The following SLC25A42 variants were observed in gnomAD, a reference collection of about 807,000 sequenced individuals.
SLC25A42 encodes the protein solute carrier family 25 member 42, also known as mitochondrial coenzyme A transporter SLC25A42.
In SLC25A42, 19 loss-of-function variants were observed where a neutral mutation model predicts 34.7. The observed-to-expected ratio is 0.55, with a 90% CI of 0.38 to 0.80. The LOEUF (loss-of-function observed/expected upper bound fraction) is 0.80, where lower values mean the gene tolerates loss of function less well. Ranked by LOEUF, SLC25A42 falls within the 30% of genes least tolerant of loss-of-function variation. The pLI, the probability that SLC25A42 is intolerant of heterozygous loss-of-function variation, is 0.00. For missense variants in SLC25A42, 364 were observed against 441.3 expected (o/e 0.82, Z 1.57); for synonymous variants, 205 against 191.2 (o/e 1.07, Z -0.59).
At chr19:19,105,462 C>T in intron 4 of SLC25A42, 99 bp from the exon 5 acceptor site, 6 of 1,438,044 alleles carry the variant, frequency 4.2e-6, no homozygotes, top group Non-Finnish European at 4.7e-6. Flanking sequence ...GGGGTCACCC[C>T]GGCCCCGCCT....
chr19:19,110,728 C>A lies in SLC25A42; in HGVS notation c.809C>A (p.Thr270Lys), dbSNP rs370533233. The A allele has an allele frequency of 1.1e-5, 17 of 1,609,142 alleles. No individual in the cohort carries two copies. Among genetic ancestry groups the A allele is most frequent in the Non-Finnish European group, 1.4e-5 (16 of 1,178,060 alleles). Residue 270 changes from threonine to lysine, a missense_variant, in exon 8 of 8, where the codon ACG becomes AAG. Thr to Lys is a moderately conservative substitution (Grantham distance 78, BLOSUM62 -1). Coordinates refer to ENST00000318596, the MANE Select transcript of SLC25A42 (RefSeq NM_178526.5). ...TGYPRASIARTLRTIVREEGA... is the reference protein window; with the variant it reads ...TGYPRASIARKLRTIVREEGA... ...TACCCGCGCGCCTCCATCGCCCGCACGCTGCGCACCATCGTGCGGGAGGAG... is the reference window on the plus strand; with the variant it reads ...TACCCGCGCGCCTCCATCGCCCGCAAGCTGCGCACCATCGTGCGGGAGGAG...
At chr19:19,088,550 C>T (rs531227696) in intron 1 of SLC25A42, among the ~76,000 whole-genome samples, 28 of 150,892 alleles carry the variant, frequency 1.9e-4, no homozygotes, top group Admixed American at 1.6e-3. Flanking sequence ...AGTGCAATGG[C>T]GCAATCTCAG....
chr19:19,095,411 C>T (rs1190351836), intron 1 of SLC25A42, among the ~76,000 whole-genome samples: 4 of 151,722 alleles, frequency 2.6e-5, no homozygotes, highest in Admixed American at 1.3e-4. Flanking sequence ...GTCAGGAGTT[C>T]GAGACTAGCC....
chr19:19,107,922 C>T lies in SLC25A42; in HGVS notation c.526C>T (p.Arg176Cys), dbSNP rs149585119. 6.2e-5 allele frequency: 100 copies of T among 1,614,122 alleles called. No individual in the cohort carries two copies. In the African/African-American group the frequency reaches 1.1e-3, roughly 18 times the overall value. ...MYSNIFHVFI[R>C]ISREEGLKTL... The stretch of plus-strand genomic sequence containing the variant: ...CAGCAACATCTTTCATGTCTTCATC[C>T]GCATCTCGAGAGAAGAGGGGCTGAA... The change falls in exon 7 of 8, where the codon CGC (arginine) becomes TGC (cysteine). Residue 176 changes from arginine to cysteine, a missense_variant. Arg to Cys is a radical substitution (Grantham distance 180, BLOSUM62 -3). Coordinates refer to ENST00000318596, the MANE Select transcript of SLC25A42 (RefSeq NM_178526.5).
chr19:19,076,034 C>A (rs2059654262), intron 1 of SLC25A42, among the ~76,000 whole-genome samples: 1 of 152,212 alleles, frequency 6.6e-6, no homozygotes, highest in Non-Finnish European at 1.5e-5. Context: ...GCCCCACTTT[C>A]TTCTCCACAG....
Position 19,105,770 on chromosome 19 carries a change from G to T in SLC25A42, c.380+43G>T. 3.6e-6 allele frequency: 4 copies of T among 1,102,154 alleles called. No homozygotes were observed. In the Admixed American group the frequency reaches 1.6e-4, roughly 43 times the overall value. The allele number at this position is 1,102,154 out of a possible 1,614,324, so 68.3% of individuals were successfully genotyped here. ...CCTGCCACAGAATCGCCCCGCCCAC[G>T]CCCGCCCCTCTCTCTTTCTTCTGCA... On this transcript the variant is annotated intron_variant, in intron 5 of 7. Coordinates refer to ENST00000318596, the MANE Select transcript of SLC25A42 (RefSeq NM_178526.5).
In SLC25A42 at chr19:19,079,125, G is replaced by A. The variant is rs552293970; in HGVS notation, c.-35+15010G>A. On this transcript the variant is annotated intron_variant, in intron 1 of 7. Coordinates refer to ENST00000318596, the MANE Select transcript of SLC25A42 (RefSeq NM_178526.5). ...GGCTGGAGTGCAATGGCGCAATCTC[G>A]GCTCACTGCAACCTCCACCTCCCTG... Among the ~76,000 whole-genome samples the A allele has an allele frequency of 2.0e-5, 3 of 149,686 alleles. No homozygotes were observed. The South Asian group carries it at 6.3e-4, about 31-fold the overall frequency.
chr19:19,105,803 C>T, intron 5 of SLC25A42, 76 bp downstream of exon 5: 1 of 1,301,796 alleles, frequency 7.7e-7, no homozygotes, highest in South Asian at 1.4e-5. Context: ...GCACGCCCCG[C>T]TCCCTCCTCT....
rs1295382400 is a variant in SLC25A42, at chr19:19,109,539, T to C, written c.650-1030T>C. On this transcript the variant is annotated intron_variant, in intron 7 of 7. Transcript: ENST00000318596. This position sits in a 1 kb window ranked among gnomAD's most constrained non-coding sequence, Gnocchi z 4.1. ...TCCACTTCCTGGGTTCAAGCCATTCTCCTGCCTCAGCCTCCCTAGTAGCTG... is the reference window on the plus strand; with the variant it reads ...TCCACTTCCTGGGTTCAAGCCATTCCCCTGCCTCAGCCTCCCTAGTAGCTG... Among the ~76,000 whole-genome samples the C allele has an allele frequency of 6.6e-6, 1 of 152,132 alleles. No homozygotes were observed. The highest frequency in any genetic ancestry group is 1.5e-5 in the Non-Finnish European group (1 of 68,016).
rs539361208 is a variant in SLC25A42 at position 19,113,009 on chromosome 19, A to G, written c.*2133A>G. The G allele has an allele frequency of 1.3e-5, 2 of 152,108 alleles. No individual in the cohort carries two copies. Among genetic ancestry groups the G allele is most frequent in the Non-Finnish European group, 2.9e-5 (2 of 67,990 alleles). The allele number at this position is 152,108 out of a possible 1,614,324, so 9.4% of individuals were successfully genotyped here. On this transcript the variant is annotated 3_prime_UTR_variant, in exon 8 of 8. Transcript: ENST00000318596. ...TAAAAGTTCTGAATAAAAGTCTTGA[A>G]TAAAGAAGTTTTTAAATGCAATTGT...
Position 19,105,704 on chromosome 19 carries a change from C to T in SLC25A42, c.357C>T (p.Gly119=). 6.2e-7 allele frequency: 1 copy of T among 1,600,132 alleles called. No individual in the cohort carries two copies. Among genetic ancestry groups the T allele is most frequent in the Non-Finnish European group, 8.5e-7 (1 of 1,171,980 alleles). Residue 119 remains glycine (G), a synonymous_variant, in exon 5 of 8, where the codon GGC becomes GGT. Coordinates refer to ENST00000318596, the MANE Select transcript of SLC25A42 (RefSeq NM_178526.5). ...ACGAGGAGTACAAGCGCATCCTGGG[C>T]AGCTACTATGGCTTCCGTGGAGAGT... The part of the protein sequence containing the change: ...SAHEEYKRIL[G]SYYGFRGEAL...
rs1166263250 is a variant in SLC25A42, at chr19:19,111,026, A to G, written c.*150A>G. ...AGGTGGGCCTGAGGGGCCTGGGCTC[A>G]GAGTCCACGTCCAAACGCAAAGCTG... On this transcript the variant is annotated 3_prime_UTR_variant, in exon 8 of 8. Transcript: ENST00000318596. 3.5e-6 allele frequency: 3 copies of G among 858,542 alleles called. No individual in the cohort carries two copies. The highest frequency in any genetic ancestry group is 5.5e-5 in the Admixed American group (2 of 36,248). The allele number at this position is 858,542 out of a possible 1,614,324, so 53.2% of individuals were successfully genotyped here. A position where few individuals can be genotyped will look rare whatever the true frequency, so the allele number is the denominator to read the frequency against.
At chr19:19,082,240 G>A (rs564579479) in intron 1 of SLC25A42, among the ~76,000 whole-genome samples, 3 of 152,308 alleles carry the variant, frequency 2.0e-5, no homozygotes, top group Non-Finnish European at 4.4e-5. Flanking sequence ...TTCTTCTGGA[G>A]GCTCAGGAAG....
chr19:19,086,851 G>C (rs2059710666), intron 1 of SLC25A42, among the ~76,000 whole-genome samples: 2 of 152,076 alleles, frequency 1.3e-5, no homozygotes, highest in Admixed American at 6.6e-5. Context: ...ATGTTGCCCA[G>C]GTTGGACAAT....
At chr19:19,092,596 A>C (rs2059743743) in intron 1 of SLC25A42, among the ~76,000 whole-genome samples, 1 of 152,128 alleles carries the variant, frequency 6.6e-6, no homozygotes, top group African/African-American at 2.4e-5. Flanking sequence ...TCCTCACAGG[A>C]CTGTGACCTC....
chr19:19,070,652 G>A (rs988323630), intron 1 of SLC25A42, among the ~76,000 whole-genome samples: 1 of 152,124 alleles, frequency 6.6e-6, no homozygotes, highest in Non-Finnish European at 1.5e-5. Flanking sequence ...AAATCTCAAG[G>A]TGAACTCATC....
Position 19,109,478 on chromosome 19 carries a change from T to C in SLC25A42, c.650-1091T>C, listed in dbSNP as rs2059851226. ...CGGAGTCTCACTCTGCCGCCCAGGC[T>C]GGAGTGCAGTGGAACGATCTCAGCT... On this transcript the variant is annotated intron_variant, in intron 7 of 7. Coordinates refer to ENST00000318596, the MANE Select transcript of SLC25A42 (RefSeq NM_178526.5). This position sits in a 1 kb window ranked among gnomAD's most constrained non-coding sequence, Gnocchi z 4.1. 6.6e-6 allele frequency among the ~76,000 whole-genome samples: 1 copy of C among 152,204 alleles called. No homozygotes were observed.
At chr19:19,107,754 T>C (rs1414272607) in intron 6 of SLC25A42, 140 bp from the exon 7 acceptor site, 3 of 783,220 alleles carry the variant, frequency 3.8e-6, no homozygotes, top group South Asian at 1.7e-5. Context: ...TGGGGTTATA[T>C]GTCTTGAAGA....
chr19:19,065,985 T>C (rs999867616), intron 1 of SLC25A42, among the ~76,000 whole-genome samples: 2 of 152,136 alleles, frequency 1.3e-5, no homozygotes, highest in South Asian at 4.1e-4. Context: ...GCCTCCTGAG[T>C]AGCTGGGATT....
Sources: gnomAD v4.1 joint callset for allele counts (sites outside exome capture counted in the v4.1 genomes callset) on GRCh38, gnomAD v4.1.1 for gene constraint, Gnocchi (gnomAD v3.1) non-coding constraint, MANE v1.5 for transcripts, NCBI Gene and HGNC (gene_info 2026-07-23, HGNC 2026-07-21) for gene names.